The following ARHGAP15 variants were observed in gnomAD, a reference collection of about 807,000 sequenced individuals.
The protein encoded by ARHGAP15 is Rho GTPase activating protein 15.
A neutral mutation model predicts 63.7 loss-of-function variants in ARHGAP15; 51 were observed. The ratio of observed to expected loss-of-function variants is 0.80; its 90% CI spans 0.64 to 1.01. The LOEUF (loss-of-function observed/expected upper bound fraction) is 1.01. Ranked by LOEUF, ARHGAP15 falls within the 50% of genes least tolerant of loss-of-function variation. The pLI, the probability that ARHGAP15 is intolerant of heterozygous loss-of-function variation, is 0.00. For synonymous variants in ARHGAP15, 191 were observed against 193.8 expected (o/e 0.99, Z 0.12); for missense variants, 560 against 564.6 (o/e 0.99, Z 0.08).
At chr2:143,384,547 G>A (rs1687188451) in intron 6 of ARHGAP15, among the ~76,000 whole-genome samples, 1 of 138,762 alleles carries the variant, frequency 7.2e-6, no homozygotes, top group Admixed American at 7.6e-5. Flanking sequence ...AGGCAAAAAG[G>A]CCTATGTGTT....
intron 11 of ARHGAP15, among the ~76,000 whole-genome samples, chr2:143,615,430 G>T (rs1462886316): frequency 6.6e-6 from 1 of 152,080 alleles, no homozygotes; most frequent in Non-Finnish European, 1.5e-5. Context: ...AATGATAAAA[G>T]CCAGAAATTA....
intron 6 of ARHGAP15, among the ~76,000 whole-genome samples, chr2:143,309,519 C>T (rs1054809633): frequency 6.6e-6 from 1 of 152,070 alleles, no homozygotes; most frequent in African/African-American, 2.4e-5. Context: ...ACATCGGATA[C>T]ACTCCACAAA....
At chr2:143,674,005 T>C (rs73961829) in intron 12 of ARHGAP15, among the ~76,000 whole-genome samples, 49 of 151,776 alleles carry the variant, frequency 3.2e-4, no homozygotes, top group African/African-American at 1.2e-3. Context: ...TGTGAAATAT[T>C]GGTGAAAATA....
intron 12 of ARHGAP15, among the ~76,000 whole-genome samples, chr2:143,663,975 A>G (rs1681995905): frequency 6.6e-6 from 1 of 151,910 alleles, no homozygotes; most frequent in Non-Finnish European, 1.5e-5. Context: ...AGACTTTAAC[A>G]CCCCACTGTC....
chr2:143,631,921 T>A (rs981231947), intron 12 of ARHGAP15, among the ~76,000 whole-genome samples: 6 of 152,148 alleles, frequency 3.9e-5, no homozygotes, highest in African/African-American at 1.2e-4. Flanking sequence ...GAATTTTTTT[T>A]AATCTTAGGC....
intron 5 of ARHGAP15, among the ~76,000 whole-genome samples, chr2:143,233,770 G>C (rs1225347072): frequency 6.6e-6 from 1 of 151,006 alleles, no homozygotes; most frequent in Non-Finnish European, 1.5e-5. Context: ...TCAGCCTCCA[G>C]AGTAGCTGGG....
At chr2:143,641,262 C>T (rs1372509922) in intron 12 of ARHGAP15, 2 of 151,484 alleles carry the variant, frequency 1.3e-5, no homozygotes, top group Non-Finnish European at 2.9e-5. Flanking sequence ...AGTTAAAGAC[C>T]TAAAAACAAA....
At chr2:143,130,805 T>G (rs1217579825) in intron 1 of ARHGAP15, among the ~76,000 whole-genome samples, 2 of 152,178 alleles carry the variant, frequency 1.3e-5, no homozygotes. Context: ...TGTGATTAGA[T>G]TTTCAATTTG....
intron 6 of ARHGAP15, among the ~76,000 whole-genome samples, chr2:143,325,099 G>A (rs1684193580): frequency 6.6e-6 from 1 of 152,028 alleles, no homozygotes; most frequent in African/African-American, 2.4e-5. Context: ...AGGAAAGCCA[G>A]CTAAACATAC....
chr2:143,458,876 G>A, intron 8 of ARHGAP15, among the ~76,000 whole-genome samples: 1 of 152,114 alleles, frequency 6.6e-6, no homozygotes, highest in Non-Finnish European at 1.5e-5. Flanking sequence ...GTAAAAAATG[G>A]TAAACTTGTC....
At chr2:143,295,787 C>G (rs984258934) in intron 6 of ARHGAP15, 1 of 151,964 alleles carries the variant, frequency 6.6e-6, no homozygotes. Context: ...TTCTATGTAA[C>G]CATCTGGTAA....
intron 9 of ARHGAP15, among the ~76,000 whole-genome samples, chr2:143,518,269 A>G (rs564601133): frequency 6.6e-6 from 1 of 152,356 alleles, no homozygotes; most frequent in South Asian, 2.1e-4. Context: ...GAAGACATAG[A>G]TGATTCAGAC....
intron 10 of ARHGAP15, among the ~76,000 whole-genome samples, chr2:143,519,701 T>G (rs1369291472): frequency 6.6e-6 from 1 of 152,212 alleles, no homozygotes; most frequent in Non-Finnish European, 1.5e-5. Context: ...TTCATGCTGG[T>G]AGACGTTGTG....
intron 6 of ARHGAP15, among the ~76,000 whole-genome samples, chr2:143,277,503 C>T (rs975014008): frequency 2.0e-5 from 3 of 151,484 alleles, no homozygotes; most frequent in African/African-American, 7.3e-5. Context: ...AGGTAATAGC[C>T]ATCTTTGGGC....
intron 13 of ARHGAP15, among the ~76,000 whole-genome samples, chr2:143,729,702 C>G (rs1169242498): frequency 1.3e-5 from 2 of 152,182 alleles, no homozygotes; most frequent in Admixed American, 6.5e-5. Flanking sequence ...ACATCCTGCT[C>G]TCTCTACAAA....
chr2:143,365,314 C>T (rs901081099), intron 6 of ARHGAP15, among the ~76,000 whole-genome samples: 1 of 152,190 alleles, frequency 6.6e-6, no homozygotes, highest in Non-Finnish European at 1.5e-5. Flanking sequence ...TCTATTAGGA[C>T]AGGATATTCA....
chr2:143,266,551 A>G (rs1207866287), intron 6 of ARHGAP15, among the ~76,000 whole-genome samples: 1 of 152,178 alleles, frequency 6.6e-6, no homozygotes, highest in African/African-American at 2.4e-5. Flanking sequence ...TATCTATGAT[A>G]TGTTTCTTAT....
At chr2:143,289,106 T>C (rs1162516071) in intron 6 of ARHGAP15, among the ~76,000 whole-genome samples, 2 of 152,094 alleles carry the variant, frequency 1.3e-5, no homozygotes, top group Non-Finnish European at 2.9e-5. Flanking sequence ...AACAGTGTGT[T>C]TGCAAAAGAG....
At chr2:143,230,878 C>G (rs182661511) in intron 5 of ARHGAP15, among the ~76,000 whole-genome samples, 1 of 152,286 alleles carries the variant, frequency 6.6e-6, no homozygotes, top group Admixed American at 6.5e-5. Flanking sequence ...CATTGTGCTT[C>G]TGGAAAAAAG....
Sources: allele counts gnomAD v4.1 joint callset (sites outside exome capture counted in the v4.1 genomes callset), GRCh38; gene constraint gnomAD v4.1.1; transcripts MANE v1.5; gene names NCBI Gene and HGNC (gene_info 2026-07-23, HGNC 2026-07-21).